The following MAP4K5 variants were observed in gnomAD, a reference collection of about 807,000 sequenced individuals.
The protein encoded by MAP4K5 is mitogen-activated protein kinase kinase kinase kinase 5, also known as MAPK/ERK kinase kinase kinase 5.
MAP4K5 carries 82 observed loss-of-function variants against 135.6 expected under a neutral mutation model. The ratio of observed to expected loss-of-function variants is 0.60; its 90% confidence interval spans 0.51 to 0.73. MAP4K5 has a LOEUF of 0.73. Ranked by LOEUF, MAP4K5 falls within the 30% of genes least tolerant of loss-of-function variation. The probability of loss-of-function intolerance (pLI) is 0.00; values close to 1 mark genes in which losing one functional copy is unlikely to be tolerated. For synonymous variants in MAP4K5, 347 were observed against 335.0 expected, an observed-to-expected ratio of 1.04 and a Z score of -0.39; for missense variants, 907 against 1,010.9, an observed-to-expected ratio of 0.90 and a Z score of 1.39.
rs1384358954 is a variant in MAP4K5 at position 50,484,656 on chromosome 14, G to C, written c.322+922C>G. ...TTATGAAGTAACTTCATCTTTTTAA[G>C]TGCCGCACAGTATTCCATATTACAG... On this transcript the variant is annotated intron_variant, in intron 5 of 32. Transcript: ENST00000682126. Among the ~76,000 whole-genome samples the C allele has an allele frequency of 2.6e-5, 4 of 152,100 alleles. No homozygotes were observed. In the East Asian group the frequency reaches 7.7e-4, roughly 29 times the overall value.
chr14:50,423,543 C>A (rs1042317485), intron 31 of MAP4K5, among the ~76,000 whole-genome samples: 5 of 151,678 alleles, frequency 3.3e-5, no homozygotes, highest in Non-Finnish European at 7.4e-5. Context: ...CTTTGGGGGC[C>A]AAGGCTTGAG....
chr14:50,446,447 T>C (rs2036350219), intron 16 of MAP4K5, among the ~76,000 whole-genome samples: 1 of 152,232 alleles, frequency 6.6e-6, no homozygotes, highest in Non-Finnish European at 1.5e-5. Flanking sequence ...GACCCATAGA[T>C]TCAAGTGGGT....
At chr14:50,434,888 G>T in intron 27 of MAP4K5, 74 bp downstream of exon 27, 2 of 833,090 alleles carry the variant, frequency 2.4e-6, no homozygotes, top group South Asian at 1.7e-5. Flanking sequence ...GTAGTATTGG[G>T]ATCTGCTAAT....
chr14:50,459,325 G>A (rs915402320), intron 13 of MAP4K5, among the ~76,000 whole-genome samples: 5 of 152,168 alleles, frequency 3.3e-5, no homozygotes, highest in Middle Eastern at 3.2e-3. Context: ...AAATCTGGTA[G>A]TAATTCTCTT....
At chr14:50,448,924 G>T in intron 14 of MAP4K5, 92 bp from the exon 15 acceptor site, 1 of 674,274 alleles carries the variant, frequency 1.5e-6, no homozygotes, top group Admixed American at 2.8e-5. Context: ...GGGTGGGGGA[G>T]GGAGAAAGAA....
intron 13 of MAP4K5, among the ~76,000 whole-genome samples, chr14:50,458,531 T>G: frequency 6.6e-6 from 1 of 152,204 alleles, no homozygotes; most frequent in East Asian, 1.9e-4. Context: ...TCTGTTAAAC[T>G]CATCAAACAC....
intron 26 of MAP4K5, among the ~76,000 whole-genome samples, chr14:50,436,792 T>C (rs1184239891): frequency 6.6e-6 from 1 of 152,158 alleles, no homozygotes; most frequent in African/African-American, 2.4e-5. Context: ...CCATTAACCA[T>C]AGGGAGAGGA....
chr14:50,522,296 G>A (rs968194440), intron 2 of MAP4K5, among the ~76,000 whole-genome samples: 9 of 151,766 alleles, frequency 5.9e-5, no homozygotes, highest in African/African-American at 2.2e-4. Flanking sequence ...ACTAGTGACG[G>A]CACTGTTTTA....
At chr14:50,448,668 G>A in intron 15 of MAP4K5, 106 bp downstream of exon 15, 1 of 624,416 alleles carries the variant, frequency 1.6e-6, no homozygotes, top group Non-Finnish European at 2.7e-6. Flanking sequence ...CAAAATTAAT[G>A]CTTAAAAGAG....
chr14:50,463,980 T>C (rs1297756173), intron 12 of MAP4K5, 72 bp downstream of exon 12: 1 of 768,774 alleles, frequency 1.3e-6, no homozygotes. Flanking sequence ...CTTAAAAACA[T>C]AAATACTTTT....
At chr14:50,534,461 A>G (rs1338826204), upstream of MAP4K5, among the ~76,000 whole-genome samples, 1 of 152,270 alleles carries the variant, frequency 6.6e-6, no homozygotes, top group Non-Finnish European at 1.5e-5. Context: ...TAGAAACTGA[A>G]TGCCCAGTTT....
chr14:50,522,095 A>G (rs1391429618), intron 2 of MAP4K5, among the ~76,000 whole-genome samples: 8 of 152,218 alleles, frequency 5.3e-5, no homozygotes, highest in Non-Finnish European at 1.0e-4. Flanking sequence ...GCAAAACTAA[A>G]AAAAGAAATC....
chr14:50,546,776 G>C (rs962073904), intron 1 of MAP4K5, among the ~76,000 whole-genome samples: 2 of 152,104 alleles, frequency 1.3e-5, no homozygotes, highest in Non-Finnish European at 2.9e-5. Context: ...ATTTAATATA[G>C]TTGGTTCAAT....
At chr14:50,503,473 T>C (rs1038966095) in intron 3 of MAP4K5, among the ~76,000 whole-genome samples, 3 of 152,072 alleles carry the variant, frequency 2.0e-5, no homozygotes, top group African/African-American at 7.2e-5. Context: ...CCTTATATTT[T>C]AAGTAATCAT....
intron 2 of MAP4K5, among the ~76,000 whole-genome samples, chr14:50,514,566 T>C (rs896521730): frequency 2.6e-5 from 4 of 152,176 alleles, no homozygotes; most frequent in Non-Finnish European, 4.4e-5. Flanking sequence ...AAAAATGCTC[T>C]CATAGATGAC....
At chr14:50,544,751 T>C (rs1366732240) in intron 1 of MAP4K5, among the ~76,000 whole-genome samples, 2 of 151,728 alleles carry the variant, frequency 1.3e-5, no homozygotes, top group Non-Finnish European at 2.9e-5. Flanking sequence ...CTGGGGAACA[T>C]AGTGAGAACT....
intron 2 of MAP4K5, among the ~76,000 whole-genome samples, chr14:50,510,447 T>C (rs777690211): frequency 6.6e-5 from 10 of 152,192 alleles, no homozygotes; most frequent in Non-Finnish European, 1.5e-4. Context: ...ATTAAGTGTG[T>C]TGTCATCTTA....
chr14:50,470,011 T>C (rs936361763), intron 9 of MAP4K5, among the ~76,000 whole-genome samples: 1 of 152,204 alleles, frequency 6.6e-6, no homozygotes, highest in Non-Finnish European at 1.5e-5. Flanking sequence ...AAGTGCTACA[T>C]ACATAACAAT....
chr14:50,544,558 CTGTCTCTAGGCATGGA>C (rs1306694335), intron 1 of MAP4K5, among the ~76,000 whole-genome samples: 1 of 152,180 alleles, frequency 6.6e-6, no homozygotes, highest in Non-Finnish European at 1.5e-5. Context: ...ATGACTTATT[CTGTCTCTAGGCATGGA>C]TGTCTGCTTC....
Sources: gnomAD v4.1 joint callset for allele counts (sites outside exome capture counted in the v4.1 genomes callset) on GRCh38, gnomAD v4.1.1 for gene constraint, MANE v1.5 for transcripts, NCBI Gene and HGNC (gene_info 2026-07-23, HGNC 2026-07-21) for gene names.